Variants in ASTN2 observed in about 807,000 individuals in gnomAD.
ASTN2 encodes the protein astrotactin-2.
Under a neutral mutation model 139.8 loss-of-function variants are expected in ASTN2, and 54 were observed. The observed-to-expected ratio is 0.39, with a 90% CI of 0.31 to 0.48. The LOEUF is 0.48. Among genes scored for constraint, ASTN2 ranks in the 20% least tolerant of loss-of-function variants. The pLI is 0.95. For missense variants in ASTN2, 1,565 were observed against 1,725.1 expected, an observed-to-expected ratio of 0.91 and a Z score of 1.64; for synonymous variants, 756 against 719.5, an observed-to-expected ratio of 1.05 and a Z score of -0.81.
At chr9:116,843,969 C>A (rs1338662472) in intron 11 of ASTN2, among the ~76,000 whole-genome samples, 2 of 151,992 alleles carry the variant, frequency 1.3e-5, no homozygotes, top group African/African-American at 4.8e-5. Flanking sequence ...TAAATTATTT[C>A]TCAGCAGTCT....
intron 16 of ASTN2, among the ~76,000 whole-genome samples, chr9:116,710,098 T>A (rs998243956): frequency 6.6e-6 from 1 of 152,176 alleles, no homozygotes; most frequent in Non-Finnish European, 1.5e-5. Context: ...TAGGTAGGCC[T>A]ACCTTTGGTG....
At chr9:116,833,796 C>A (rs1282014952) in intron 11 of ASTN2, among the ~76,000 whole-genome samples, 1 of 152,142 alleles carries the variant, frequency 6.6e-6, no homozygotes, top group African/African-American at 2.4e-5. Context: ...GAAATCCTAA[C>A]CCACCTGCAA....
intron 10 of ASTN2, among the ~76,000 whole-genome samples, chr9:116,904,666 G>A (rs1156688437): frequency 6.6e-6 from 1 of 152,228 alleles, no homozygotes; most frequent in Non-Finnish European, 1.5e-5. Context: ...CATAGTTGGA[G>A]TGCTATAGAA....
At chr9:117,354,134 G>C (rs4837132) in intron 1 of ASTN2, among the ~76,000 whole-genome samples, 4 of 152,102 alleles carry the variant, frequency 2.6e-5, no homozygotes, top group Admixed American at 1.3e-4. Context: ...GGCTATGTGT[G>C]GTGGGGAAGG....
chr9:117,274,832 T>C (rs180987656), intron 2 of ASTN2, among the ~76,000 whole-genome samples: 16 of 152,338 alleles, frequency 1.1e-4, no homozygotes, highest in Non-Finnish European at 1.9e-4. Flanking sequence ...GTTCTTCCAA[T>C]TGGATTAGGA....
Position 116,698,014 on chromosome 9 carries a change from T to C in ASTN2, c.2806+27757A>G. ...CTAAAGATCATTGATACAGCTGGGC[T>C]CAGCGAGGCTGTGGGGCTGCTCATG... On this transcript the variant is annotated intron_variant, in intron 16 of 22. Coordinates refer to ENST00000313400, the MANE Select transcript of ASTN2 (RefSeq NM_001365068.1). This position sits in a 1 kb window ranked among gnomAD's most constrained non-coding sequence, Gnocchi z 4.4. 6.2e-7 allele frequency: 1 copy of C among 1,614,114 alleles called. No individual in the cohort carries two copies. The highest frequency in any genetic ancestry group is 8.5e-7 in the Non-Finnish European group (1 of 1,180,046).
intron 19 of ASTN2, among the ~76,000 whole-genome samples, chr9:116,507,498 A>T (rs1213124862): frequency 6.6e-6 from 1 of 152,170 alleles, no homozygotes; most frequent in African/African-American, 2.4e-5. Flanking sequence ...ATTATTGTCC[A>T]GTTGGTGGGC....
At chr9:116,607,673 ACACACACACACACACACACACACACAC>A (rs1855281819) in intron 19 of ASTN2, among the ~76,000 whole-genome samples, 1 of 7,270 alleles carries the variant, frequency 1.4e-4, no homozygotes, top group Non-Finnish European at 2.1e-4. Context: ...AGAAATTAAC[ACACACACACACACACACACACACACAC>A]ACACACACAC....
intron 10 of ASTN2, among the ~76,000 whole-genome samples, chr9:116,874,977 TG>T (rs1420359429): frequency 6.6e-6 from 1 of 152,154 alleles, no homozygotes; most frequent in African/African-American, 2.4e-5. Flanking sequence ...CCAACTTACT[TG>T]GTAAATATAA....
intron 16 of ASTN2, among the ~76,000 whole-genome samples, chr9:116,717,766 T>A (rs777507230): frequency 2.0e-5 from 3 of 152,256 alleles, no homozygotes; most frequent in Non-Finnish European, 4.4e-5. Context: ...TTGCTTTTAA[T>A]ACATCAGTAG....
In ASTN2 at chr9:116,455,742, T is replaced by TA. The variant is rs201681693; in HGVS notation, c.3498-13190dup. 5.1e-4 allele frequency among the ~76,000 whole-genome samples: 69 copies of TA among 134,586 alleles called. No homozygotes were observed. The East Asian group carries it at 7.0e-3, about 14-fold the overall frequency. The allele number at this position is 134,586 out of a possible 152,430, so 88.3% of individuals were successfully genotyped here. A position where few individuals can be genotyped will look rare whatever the true frequency, so the allele number is the denominator to read the frequency against. On this transcript the variant is annotated intron_variant, in intron 20 of 22. Transcript: ENST00000313400. ...CAAGCCATCCTTAAAATCTAAAAAG[T>TA]AAAAAAAAAATAGCATCCAGATAAG...
At chr9:116,439,193 C>CTTTTTTTTT in intron 22 of ASTN2, among the ~76,000 whole-genome samples, 1 of 102,798 alleles carries the variant, frequency 9.7e-6, no homozygotes, top group African/African-American at 3.7e-5. Flanking sequence ...TATTCAAATA[C>CTTTTTTTTT]ATTTTTTTTT....
intron 10 of ASTN2, among the ~76,000 whole-genome samples, chr9:116,938,601 C>A (rs1302028753): frequency 2.0e-5 from 3 of 152,114 alleles, no homozygotes; most frequent in African/African-American, 7.2e-5. Context: ...GGCCTTTATC[C>A]AATTGCTCCC....
chr9:116,850,295 G>A (rs1484841804), intron 11 of ASTN2, among the ~76,000 whole-genome samples: 1 of 152,146 alleles, frequency 6.6e-6, no homozygotes, highest in Non-Finnish European at 1.5e-5. Context: ...TGGGTGAAGT[G>A]CACATCATCC....
intron 3 of ASTN2, among the ~76,000 whole-genome samples, chr9:117,192,418 ACTTT>A (rs1256016869): frequency 6.6e-6 from 1 of 151,502 alleles, no homozygotes; most frequent in Non-Finnish European, 1.5e-5. Flanking sequence ...AATTCTGAAT[ACTTT>A]CCAGGCTGGC....
chr9:116,570,980 T>G (rs951240383), intron 19 of ASTN2, among the ~76,000 whole-genome samples: 2 of 152,032 alleles, frequency 1.3e-5, no homozygotes, highest in Non-Finnish European at 2.9e-5. Context: ...ATCCTGAGAG[T>G]TTTGGTAATT....
intron 11 of ASTN2, among the ~76,000 whole-genome samples, chr9:116,850,578 G>A (rs1481005516): frequency 6.6e-6 from 1 of 152,176 alleles, no homozygotes; most frequent in Non-Finnish European, 1.5e-5. Flanking sequence ...CTCACAGGAT[G>A]GAGACTGAGA....
Position 116,805,694 on chromosome 9 carries a change from T to C in ASTN2, c.2334A>G (p.Leu778=). The C allele has an allele frequency of 6.2e-7, 1 of 1,613,988 alleles. No homozygotes were observed. Among genetic ancestry groups the C allele is most frequent in the Non-Finnish European group, 8.5e-7 (1 of 1,179,858 alleles). The part of the protein sequence containing the change: ...KFNDTLFGEM[L]HGYNNRTQHV... ...GCTGGGTCCGGTTGTTGTAACCATG[T>C]AGCATCTCTCCAAAGAGGGTATCAT... is the stretch of plus-strand genomic sequence containing the variant. The change falls in exon 13 of 23, where the codon CTA becomes CTG. Residue 778 remains leucine, a synonymous_variant. Transcript: ENST00000313400.
chr9:116,713,398 C>A (rs116435079), intron 16 of ASTN2, among the ~76,000 whole-genome samples: 1 of 151,994 alleles, frequency 6.6e-6, no homozygotes, highest in Non-Finnish European at 1.5e-5. Flanking sequence ...CAGCTCCTAC[C>A]CAATGTATCA....
Sources: allele counts gnomAD v4.1 joint callset (sites outside exome capture counted in the v4.1 genomes callset), GRCh38; gene constraint gnomAD v4.1.1; non-coding constraint Gnocchi (gnomAD v3.1); transcripts MANE v1.5; gene names NCBI Gene and HGNC (gene_info 2026-07-23, HGNC 2026-07-21).